The following NRG1 variants were observed in gnomAD, a reference collection of about 807,000 sequenced individuals.
NRG1 encodes the protein pro-neuregulin-1, membrane-bound isoform.
Under a neutral mutation model 63.8 loss-of-function variants are expected in NRG1, and 18 were observed. The ratio of observed to expected loss-of-function variants is 0.28; its 90% CI spans 0.19 to 0.42. The LOEUF is 0.42. NRG1 is among the 10% of genes least tolerant of loss of function. The pLI, the probability that NRG1 is intolerant of heterozygous loss-of-function variation, is 1.00. For synonymous variants in NRG1, 302 were observed against 301.3 expected, an observed-to-expected ratio of 1.00 and a Z score of -0.02; for missense variants, 762 against 814.7, an observed-to-expected ratio of 0.94 and a Z score of 0.79.
intron 1 of NRG1, among the ~76,000 whole-genome samples, chr8:32,505,601 C>T (rs1247569923): frequency 6.6e-6 from 1 of 152,166 alleles, no homozygotes; most frequent in Non-Finnish European, 1.5e-5. Flanking sequence ...GAAAGTCATT[C>T]CCAAAAATAG....
Position 32,595,448 on chromosome 8 carries a change from G to A in NRG1, c.101-380G>A, listed in dbSNP as rs577193549. On this transcript the variant is annotated intron_variant, in intron 1 of 11. Transcript: ENST00000356819. ...AAGTGATCCTCCTGCCTCAGCCTCCGTAAGTTGGGGGATTACAGGCGTGAA... is the reference window on the plus strand; with the variant it reads ...AAGTGATCCTCCTGCCTCAGCCTCCATAAGTTGGGGGATTACAGGCGTGAA... Among the ~76,000 whole-genome samples, 82 of 152,140 alleles carry A rather than the reference G, an allele frequency of 5.4e-4. 1 individual carries two copies. The highest frequency in any genetic ancestry group is 1.8e-3 in the African/African-American group (75 of 41,528).
At chr8:32,377,500 T>C (rs1809780330) in intron 1 of NRG1, among the ~76,000 whole-genome samples, 2 of 152,172 alleles carry the variant, frequency 1.3e-5, no homozygotes, top group Admixed American at 1.3e-4. Flanking sequence ...TTTTTTTCTA[T>C]CAATAAACCT....
At chr8:31,828,484 T>G (rs765665934) in intron 1 of NRG1, among the ~76,000 whole-genome samples, 15 of 152,178 alleles carry the variant, frequency 9.9e-5, no homozygotes, top group Non-Finnish European at 2.2e-4. Flanking sequence ...CTTCCTTTCA[T>G]GCTCGACTGG....
chr8:32,487,650 C>G (rs1826067265), intron 1 of NRG1, among the ~76,000 whole-genome samples: 1 of 152,138 alleles, frequency 6.6e-6, no homozygotes, highest in Admixed American at 6.5e-5. Context: ...TATGCCTATT[C>G]CCTGGAGTGC....
chr8:31,987,920 A>C (rs430232), intron 1 of NRG1, among the ~76,000 whole-genome samples: 4,370 of 152,188 alleles, frequency 0.029, 180 homozygotes, highest in African/African-American at 0.099. Context: ...CAAGAGATAA[A>C]GTAATTAATA....
chr8:31,727,491 A>G (rs1813567411), intron 1 of NRG1, among the ~76,000 whole-genome samples: 1 of 152,228 alleles, frequency 6.6e-6, no homozygotes, highest in Admixed American at 6.5e-5. Context: ...AAATTAAGCC[A>G]TAAGCATAAA....
chr8:32,693,512 G>A (rs28616739), intron 5 of NRG1, among the ~76,000 whole-genome samples: 12,831 of 150,158 alleles, frequency 0.085, 579 homozygotes, highest in Middle Eastern at 0.096. Flanking sequence ...CACCACACCC[G>A]GCCAGGTCAC....
At chr8:32,665,517 A>G (rs576355461) in intron 5 of NRG1, among the ~76,000 whole-genome samples, 5 of 152,322 alleles carry the variant, frequency 3.3e-5, no homozygotes, top group Non-Finnish European at 4.4e-5. Context: ...GCAGGCTATT[A>G]ATAATGGCAT....
chr8:31,835,373 TTGGTTAGC>T (rs1825596785), intron 1 of NRG1, among the ~76,000 whole-genome samples: 1 of 152,276 alleles, frequency 6.6e-6, no homozygotes, highest in East Asian at 1.9e-4. Flanking sequence ...CTTTTGGAGA[TTGGTTAGC>T]TGGTTTGAGA....
chr8:32,125,010 C>G (rs1219236452), intron 1 of NRG1, among the ~76,000 whole-genome samples: 2 of 151,864 alleles, frequency 1.3e-5, no homozygotes, highest in African/African-American at 4.8e-5. Context: ...GAGTGGCCAG[C>G]CTTCATGAGT....
At chr8:32,593,501 A>G (rs1372960444) in intron 1 of NRG1, among the ~76,000 whole-genome samples, 1 of 131,054 alleles carries the variant, frequency 7.6e-6, no homozygotes, top group African/African-American at 2.5e-5. Context: ...GAAAAATACA[A>G]CAGTTAGCCA....
intron 1 of NRG1, among the ~76,000 whole-genome samples, chr8:32,136,152 C>T (rs1585564641): frequency 6.6e-6 from 1 of 152,278 alleles, no homozygotes; most frequent in African/African-American, 2.4e-5. Flanking sequence ...AGAGCAAAGG[C>T]AGGTTCAGTT....
intron 5 of NRG1, among the ~76,000 whole-genome samples, chr8:32,713,695 A>AATAAATATATATAATAATATATTTATGTT (rs1818387851): frequency 1.4e-5 from 2 of 147,378 alleles, no homozygotes; most frequent in African/African-American, 2.5e-5. Context: ...CCAACTTTTA[A>AATAAATATATATAATAATATATTTATGTT]ATAAATATAT....
intron 1 of NRG1, among the ~76,000 whole-genome samples, chr8:31,790,123 A>T (rs1820558846): frequency 6.6e-6 from 1 of 152,234 alleles, no homozygotes; most frequent in African/African-American, 2.4e-5. Flanking sequence ...TACATTGCCC[A>T]CTAATACACA....
chr8:32,527,426 T>C (rs1312440832), intron 1 of NRG1, among the ~76,000 whole-genome samples: 1 of 152,120 alleles, frequency 6.6e-6, no homozygotes, highest in African/African-American at 2.4e-5. Flanking sequence ...AAGTCAAATA[T>C]TACATGTTCT....
At chr8:32,608,735 A>G (rs1200625430) in intron 3 of NRG1, among the ~76,000 whole-genome samples, 3 of 151,712 alleles carry the variant, frequency 2.0e-5, no homozygotes, top group African/African-American at 7.3e-5. Context: ...TACCTTTAAT[A>G]TGCTTCTGAT....
In NRG1 at chr8:32,696,161, C is replaced by T. The variant is rs138277289; in HGVS notation, c.503-31788C>T. ...TGATCTATAATGTGAAGGAAAATAT[C>T]TTCATCAAAACCAACATTCTTAGGA... On this transcript the variant is annotated intron_variant, in intron 5 of 11. Coordinates refer to ENST00000356819, the Ensembl canonical transcript of NRG1. Among the ~76,000 whole-genome samples, 379 of 152,242 alleles carry T rather than the reference C, an allele frequency of 2.5e-3. 4 individuals are homozygous for T. The South Asian group carries it at 0.032, about 13-fold the overall frequency.
At chr8:31,808,126 ATT>A (rs1309704575) in intron 1 of NRG1, among the ~76,000 whole-genome samples, 1 of 151,960 alleles carries the variant, frequency 6.6e-6, no homozygotes, top group Admixed American at 6.6e-5. Context: ...TTTAGAAAAT[ATT>A]TTGTTCCAAT....
intron 1 of NRG1, among the ~76,000 whole-genome samples, chr8:32,005,388 A>C (rs1315544915): frequency 1.3e-5 from 2 of 152,050 alleles, no homozygotes; most frequent in Non-Finnish European, 2.9e-5. Context: ...CTTGTAGTAC[A>C]TAGATAATTA....
Sources: allele counts gnomAD v4.1 joint callset (sites outside exome capture counted in the v4.1 genomes callset), GRCh38; gene constraint gnomAD v4.1.1; transcripts MANE v1.5; gene names NCBI Gene and HGNC (gene_info 2026-07-23, HGNC 2026-07-21).